GRIN2B: variants seen among roughly 807,000 people sequenced by gnomAD.
GRIN2B encodes the protein glutamate receptor ionotropic, NMDA 2B.
GRIN2B carries 5 observed loss-of-function variants against 114.5 expected under a neutral mutation model. That is an observed-to-expected ratio of 0.04 (90% CI 0.02 to 0.09). GRIN2B has a LOEUF of 0.09. Among genes scored for constraint, GRIN2B ranks in the 10% least tolerant of loss-of-function variants. The pLI, the probability that GRIN2B is intolerant of heterozygous loss-of-function variation, is 1.00. For missense variants in GRIN2B, 1,108 were observed against 1,943.5 expected, an observed-to-expected ratio of 0.57 and a Z score of 8.08; for synonymous variants, 787 against 745.1, an observed-to-expected ratio of 1.06 and a Z score of -0.92.
chr12:13,877,382 C>T (rs1866006084), intron 2 of GRIN2B, among the ~76,000 whole-genome samples: 1 of 152,166 alleles, frequency 6.6e-6, no homozygotes, highest in Non-Finnish European at 1.5e-5. Flanking sequence ...CACACATTTC[C>T]TAATATAAAT....
intron 3 of GRIN2B, among the ~76,000 whole-genome samples, chr12:13,836,162 G>A (rs1209690184): frequency 6.6e-6 from 1 of 152,174 alleles, no homozygotes; most frequent in African/African-American, 2.4e-5. Context: ...TGCCAGCCCA[G>A]TACTCCTCAT....
chr12:13,871,202 T>G (rs1219523401), intron 2 of GRIN2B, among the ~76,000 whole-genome samples: 1 of 152,012 alleles, frequency 6.6e-6, no homozygotes, highest in African/African-American at 2.4e-5. Flanking sequence ...TACCTAGAAA[T>G]GTATATAGAA....
chr12:13,790,574 C>T (rs946988797), intron 3 of GRIN2B, among the ~76,000 whole-genome samples: 2 of 152,326 alleles, frequency 1.3e-5, no homozygotes, highest in African/African-American at 2.4e-5. Flanking sequence ...CGAGGTCCCT[C>T]ATTATATTTT....
intron 2 of GRIN2B, among the ~76,000 whole-genome samples, chr12:13,950,008 A>G (rs560944616): frequency 6.6e-6 from 1 of 152,348 alleles, no homozygotes; most frequent in Non-Finnish European, 1.5e-5. Flanking sequence ...ACCTTTGATC[A>G]TGATGTCGAT....
chr12:13,951,084 T>C (rs1867470301), intron 2 of GRIN2B, among the ~76,000 whole-genome samples: 1 of 152,142 alleles, frequency 6.6e-6, no homozygotes, highest in African/African-American at 2.4e-5. Flanking sequence ...CCAGATAAAA[T>C]ACAGGACACC....
chr12:13,663,979 T>C (rs1949950188), intron 5 of GRIN2B, among the ~76,000 whole-genome samples: 1 of 152,188 alleles, frequency 6.6e-6, no homozygotes, highest in African/African-American at 2.4e-5. Context: ...CTTTACAGTT[T>C]GAGGTAGGTG....
intron 3 of GRIN2B, among the ~76,000 whole-genome samples, chr12:13,766,333 T>A (rs1863788279): frequency 6.6e-6 from 1 of 152,244 alleles, no homozygotes; most frequent in South Asian, 2.1e-4. Flanking sequence ...GAGGGCACTA[T>A]GTCTGGACAA....
rs1414624700 is a variant in GRIN2B at position 13,538,396 on chromosome 12, A to T, written c.*24387T>A. The T allele has an allele frequency of 6.6e-6, 1 of 152,166 alleles. No individual in the cohort carries two copies. Among genetic ancestry groups the T allele is most frequent in the Non-Finnish European group, 1.5e-5 (1 of 68,076 alleles). The allele number at this position is 152,166 out of a possible 1,614,324, so 9.4% of individuals were successfully genotyped here. On this transcript the variant is annotated 3_prime_UTR_variant, in exon 14 of 14. Coordinates refer to ENST00000609686, the MANE Select transcript of GRIN2B (RefSeq NM_000834.5). Reference sequence around the variant, plus strand: ...TGGCATAGTCTCAGGAAGTTCTGGCACTCACCCTTGTCATTGGAGTCTTTG... The same window carrying T: ...TGGCATAGTCTCAGGAAGTTCTGGCTCTCACCCTTGTCATTGGAGTCTTTG...
At chr12:13,607,384 A>AT (rs1949289332) in intron 10 of GRIN2B, among the ~76,000 whole-genome samples, 1 of 65,056 alleles carries the variant, frequency 1.5e-5, no homozygotes, top group Non-Finnish European at 2.8e-5. Context: ...TTATATATAT[A>AT]ATATATATTA....
chr12:13,647,665 T>C (rs1163172415), intron 5 of GRIN2B, among the ~76,000 whole-genome samples: 1 of 151,972 alleles, frequency 6.6e-6, no homozygotes, highest in East Asian at 1.9e-4. Context: ...GGAAAGGGGC[T>C]GAATAGAATA....
At chr12:13,716,106 A>C (rs763163669) in intron 4 of GRIN2B, among the ~76,000 whole-genome samples, 1 of 151,940 alleles carries the variant, frequency 6.6e-6, no homozygotes, top group Non-Finnish European at 1.5e-5. Flanking sequence ...GGTGACCTAA[A>C]CATCACCAGG....
intron 3 of GRIN2B, among the ~76,000 whole-genome samples, chr12:13,843,126 A>C (rs1187769673): frequency 6.7e-6 from 1 of 149,108 alleles, no homozygotes; most frequent in East Asian, 1.9e-4. Flanking sequence ...AAAAAAAAAA[A>C]ACACTGCTTT....
At chr12:13,963,703 G>T (rs908441527) in intron 2 of GRIN2B, among the ~76,000 whole-genome samples, 1 of 152,198 alleles carries the variant, frequency 6.6e-6, no homozygotes, top group Non-Finnish European at 1.5e-5. Flanking sequence ...TGACATCAAA[G>T]ACCCAGCTTT....
chr12:13,625,733 G>T (rs1591648193), intron 5 of GRIN2B, among the ~76,000 whole-genome samples: 1 of 151,944 alleles, frequency 6.6e-6, no homozygotes, highest in Non-Finnish European at 1.5e-5. Context: ...AGGTTCTTTT[G>T]GTTTCATTCA....
chr12:13,877,711 T>C (rs1473805241), intron 2 of GRIN2B, among the ~76,000 whole-genome samples: 3 of 152,148 alleles, frequency 2.0e-5, no homozygotes, highest in African/African-American at 7.2e-5. Context: ...GAACTGGTTC[T>C]TGAAGTCTCT....
chr12:13,978,734 T>A (rs1441889804), intron 2 of GRIN2B, among the ~76,000 whole-genome samples: 2 of 152,194 alleles, frequency 1.3e-5, no homozygotes, highest in African/African-American at 4.8e-5. Context: ...CAGGGACATA[T>A]GGTCAGTGGA....
intron 4 of GRIN2B, among the ~76,000 whole-genome samples, chr12:13,711,783 C>A (rs1479925956): frequency 6.6e-6 from 1 of 152,148 alleles, no homozygotes; most frequent in Non-Finnish European, 1.5e-5. Context: ...GTTGGTGGAA[C>A]TGTAAACTAG....
At chr12:13,747,623 T>G (rs1028404840) in intron 4 of GRIN2B, among the ~76,000 whole-genome samples, 2 of 152,204 alleles carry the variant, frequency 1.3e-5, no homozygotes, top group African/African-American at 4.8e-5. Context: ...TTCCTTAGAC[T>G]CTGGTGCACT....
chr12:13,976,762 T>C (rs1863027865), intron 2 of GRIN2B, among the ~76,000 whole-genome samples: 1 of 152,174 alleles, frequency 6.6e-6, no homozygotes. Flanking sequence ...TTTCAGATTC[T>C]TAAACAAGAA....
Sources: gnomAD v4.1 joint callset for allele counts (sites outside exome capture counted in the v4.1 genomes callset) on GRCh38, gnomAD v4.1.1 for gene constraint, MANE v1.5 for transcripts, NCBI Gene and HGNC (gene_info 2026-07-23, HGNC 2026-07-21) for gene names.